Variants in JAM3 observed in about 807,000 individuals in gnomAD.
The protein encoded by JAM3 is junctional adhesion molecule C.
A neutral mutation model predicts 39.4 loss-of-function variants in JAM3; 31 were observed. That is an observed-to-expected ratio of 0.79 (90% CI 0.59 to 1.06). The LOEUF (loss-of-function observed/expected upper bound fraction) is 1.06, where lower values mean the gene tolerates loss of function less well. Ranked by LOEUF, JAM3 falls within the 50% of genes least tolerant of loss-of-function variation. JAM3 has a pLI of 0.00. For missense variants in JAM3, 455 were observed against 391.4 expected (o/e 1.16, Z -1.37); for synonymous variants, 182 against 148.7 (o/e 1.22, Z -1.63).
intron 1 of JAM3, among the ~76,000 whole-genome samples, chr11:134,109,074 A>G (rs1942259473): frequency 6.6e-6 from 1 of 152,150 alleles, no homozygotes; most frequent in African/African-American, 2.4e-5. Context: ...CTCGTGCCTT[A>G]GCCTCCCGTG....
chr11:134,146,084 G>T (rs371949998), intron 6 of JAM3, 39 bp downstream of exon 6: 7 of 1,278,076 alleles, frequency 5.5e-6, no homozygotes, highest in Non-Finnish European at 6.9e-6. Flanking sequence ...CGCAAGACTG[G>T]GAAGTGAATA....
intron 5 of JAM3, 138 bp from the exon 6 acceptor site, chr11:134,145,808 A>C: frequency 1.4e-6 from 1 of 721,906 alleles, no homozygotes; most frequent in Non-Finnish European, 2.5e-6. Flanking sequence ...GGAGTGGGTC[A>C]GGGAGGAACA....
chr11:134,096,786 C>T (rs866033311), intron 1 of JAM3, among the ~76,000 whole-genome samples: 10 of 152,168 alleles, frequency 6.6e-5, no homozygotes, highest in African/African-American at 2.4e-4. Flanking sequence ...TTGGATTCTT[C>T]TTTCCTTGGG....
At chr11:134,088,974 G>A (rs966320074) in intron 1 of JAM3, among the ~76,000 whole-genome samples, 2 of 152,274 alleles carry the variant, frequency 1.3e-5, no homozygotes, top group African/African-American at 2.4e-5. Flanking sequence ...AAGGGCAGTC[G>A]GAATGGATGG....
At chr11:134,103,158 G>C (rs1443234972) in intron 1 of JAM3, among the ~76,000 whole-genome samples, 1 of 152,214 alleles carries the variant, frequency 6.6e-6, no homozygotes, top group East Asian at 1.9e-4. Flanking sequence ...ACTAACAGTG[G>C]ATTTCTCGGC....
chr11:134,079,534 GAAA>G (rs377247819), intron 1 of JAM3, among the ~76,000 whole-genome samples: 1 of 147,710 alleles, frequency 6.8e-6, no homozygotes, highest in Non-Finnish European at 1.5e-5. Context: ...TTTTCTGGGT[GAAA>G]AAAAAAAGCA....
At chr11:134,078,391 A>T (rs575397928) in intron 1 of JAM3, among the ~76,000 whole-genome samples, 1 of 152,250 alleles carries the variant, frequency 6.6e-6, no homozygotes, top group Admixed American at 6.5e-5. Flanking sequence ...AAATGCTGGG[A>T]TTACAGGTGT....
At chr11:134,145,882 G>T (rs2120361284) in intron 5 of JAM3, 64 bp from the exon 6 acceptor site, 3 of 1,060,974 alleles carry the variant, frequency 2.8e-6, no homozygotes, top group South Asian at 2.5e-5. Flanking sequence ...GACCCAGCTG[G>T]CTGTGCTCTC....
At chr11:134,147,513 G>A (rs958603277) in intron 6 of JAM3, among the ~76,000 whole-genome samples, 55 of 148,456 alleles carry the variant, frequency 3.7e-4, no homozygotes, top group South Asian at 1.1e-3. Context: ...TTGAGATGGA[G>A]TCTCGCTCTG....
At chr11:134,071,694 A>C (rs1350206330) in intron 1 of JAM3, among the ~76,000 whole-genome samples, 1 of 152,232 alleles carries the variant, frequency 6.6e-6, no homozygotes, top group Non-Finnish European at 1.5e-5. Flanking sequence ...ATTTCTGGGA[A>C]ATTTTTGAAA....
chr11:134,108,967 T>C (rs1207893713), intron 1 of JAM3, among the ~76,000 whole-genome samples: 2 of 152,160 alleles, frequency 1.3e-5, no homozygotes, highest in Non-Finnish European at 2.9e-5. Context: ...ACCAGCTCTT[T>C]TAACTTTAAT....
At position 134,090,544 on chromosome 11, in the gene JAM3, A is replaced by G. The variant is rs189837289; in HGVS notation, c.76+21385A>G. On this transcript the variant is annotated intron_variant, in intron 1 of 8. Coordinates refer to ENST00000299106, the MANE Select transcript of JAM3 (RefSeq NM_032801.5). ...AAGTAGTTGTCAGAAAATAAACTGA[A>G]TGATAGGTAGGAAAGCTTCAAACTA... Among the ~76,000 whole-genome samples the G allele has an allele frequency of 3.2e-4, 49 of 150,936 alleles. No homozygotes were observed. The East Asian group carries it at 8.9e-3, about 27-fold the overall frequency.
At chr11:134,103,029 T>C (rs1942106122) in intron 1 of JAM3, among the ~76,000 whole-genome samples, 1 of 152,050 alleles carries the variant, frequency 6.6e-6, no homozygotes, top group African/African-American at 2.4e-5. Flanking sequence ...AAGATACTCC[T>C]CGAGAAGAGC....
In JAM3 at chr11:134,121,955, G is replaced by T. The variant is rs185579177; in HGVS notation, c.77-17896G>T. Among the ~76,000 whole-genome samples, 288 of 152,288 alleles carry T rather than the reference G, an allele frequency of 1.9e-3. 1 individual carries two copies. The highest frequency in any genetic ancestry group is 3.5e-3 in the Non-Finnish European group (237 of 68,016). ...CACTGTCTACCTTAGCTTAGCACGT[G>T]TGCTGTTTTGATCTTGAGTCTATAT... On this transcript the variant is annotated intron_variant, in intron 1 of 8. Coordinates refer to ENST00000299106, the MANE Select transcript of JAM3 (RefSeq NM_032801.5).
At chr11:134,091,215 G>A (rs748010204) in intron 1 of JAM3, among the ~76,000 whole-genome samples, 2 of 152,124 alleles carry the variant, frequency 1.3e-5, no homozygotes, top group Non-Finnish European at 2.9e-5. Context: ...AAAAATAAGG[G>A]CTGGGCGTGG....
At chr11:134,091,829 G>T (rs1245995031) in intron 1 of JAM3, among the ~76,000 whole-genome samples, 3 of 126,546 alleles carry the variant, frequency 2.4e-5, no homozygotes, top group Non-Finnish European at 4.7e-5. Flanking sequence ...TGTGTTTGGG[G>T]GTGTGGGTTT....
chr11:134,148,809 T>G lies in JAM3; in HGVS notation c.888T>G (p.Thr296=). The G allele has an allele frequency of 6.2e-7, 1 of 1,614,132 alleles. No individual in the cohort carries two copies. The highest frequency in any genetic ancestry group is 8.5e-7 in the Non-Finnish European group (1 of 1,179,982). ...CAGATGGAGTTAACTACATCCGCAC[T>G]GACGAGGAGGTAATCATTTAGTAAA... The part of the protein sequence containing the change: ...GKPDGVNYIR[T]DEEGDFRHKS... Residue 296 remains threonine (T), a synonymous_variant, in exon 8 of 9, where the codon ACT becomes ACG. Coordinates refer to ENST00000299106, the MANE Select transcript of JAM3 (RefSeq NM_032801.5).
At chr11:134,142,641 C>G (rs61637602) in intron 3 of JAM3, among the ~76,000 whole-genome samples, 2 of 152,122 alleles carry the variant, frequency 1.3e-5, no homozygotes, top group South Asian at 4.1e-4. Flanking sequence ...AGCTGTAATT[C>G]GTACCGCATC....
chr11:134,092,232 G>A (rs77739582), intron 1 of JAM3, among the ~76,000 whole-genome samples: 11,807 of 152,108 alleles, frequency 0.078, 594 homozygotes, highest in Admixed American at 0.11. Context: ...TGTGCTGCCC[G>A]TTGTGTGTGA....
Sources: allele counts gnomAD v4.1 joint callset (sites outside exome capture counted in the v4.1 genomes callset), GRCh38; gene constraint gnomAD v4.1.1; transcripts MANE v1.5; gene names NCBI Gene and HGNC (gene_info 2026-07-23, HGNC 2026-07-21).